FRAS1: variants seen among roughly 807,000 people sequenced by gnomAD.
FRAS1 encodes the protein Fraser extracellular matrix complex subunit 1, also known as extracellular matrix organizing protein FRAS1.
In FRAS1, 290 loss-of-function variants were observed where a neutral mutation model predicts 435.2. The ratio of observed to expected loss-of-function variants is 0.67; its 90% CI spans 0.61 to 0.73. FRAS1 has a LOEUF of 0.73. FRAS1 is among the 30% of genes least tolerant of loss of function. The probability of loss-of-function intolerance (pLI) is 0.00; values close to 1 mark genes in which losing one functional copy is unlikely to be tolerated. For synonymous variants in FRAS1, 1,800 were observed against 1,851.0 expected, an observed-to-expected ratio of 0.97 and a Z score of 0.71; for missense variants, 4,860 against 5,001.5, an observed-to-expected ratio of 0.97 and a Z score of 0.85.
At chr4:78,159,358 G>A (rs1237050171) in intron 2 of FRAS1, among the ~76,000 whole-genome samples, 1 of 152,160 alleles carries the variant, frequency 6.6e-6, no homozygotes, top group Non-Finnish European at 1.5e-5. Flanking sequence ...TATTTCTGGA[G>A]TAAGAACATG....
intron 2 of FRAS1, among the ~76,000 whole-genome samples, chr4:78,186,929 T>A (rs1187196244): frequency 2.0e-5 from 3 of 152,252 alleles, no homozygotes; most frequent in African/African-American, 7.2e-5. Flanking sequence ...TGTACTTAGC[T>A]TCTCTCCAAA....
At chr4:78,163,864 T>C (rs552706848) in intron 2 of FRAS1, among the ~76,000 whole-genome samples, 44 of 152,226 alleles carry the variant, frequency 2.9e-4, no homozygotes, top group Non-Finnish European at 6.0e-4. Flanking sequence ...CTTATTCATT[T>C]TTCTCTTTTC....
intron 5 of FRAS1, among the ~76,000 whole-genome samples, chr4:78,254,425 C>G (rs1725693597): frequency 6.6e-6 from 1 of 152,056 alleles, no homozygotes; most frequent in Non-Finnish European, 1.5e-5. Context: ...AAAATATGCC[C>G]AAGAATTGAT....
At chr4:78,504,225 A>G (rs934162422) in intron 61 of FRAS1, among the ~76,000 whole-genome samples, 2 of 152,200 alleles carry the variant, frequency 1.3e-5, no homozygotes, top group Admixed American at 1.3e-4. Context: ...GTAGCTGTCT[A>G]TTAGGTCTGC....
At chr4:78,082,049 C>T (rs572238077) in intron 2 of FRAS1, among the ~76,000 whole-genome samples, 1 of 152,016 alleles carries the variant, frequency 6.6e-6, no homozygotes, top group Admixed American at 6.6e-5. Flanking sequence ...AATATTATAT[C>T]TAACATTTTT....
Position 78,481,981 on chromosome 4 carries a change from C to A in FRAS1, c.8604+17C>A. The A allele has an allele frequency of 6.2e-7, 1 of 1,608,178 alleles. No homozygotes were observed. Among genetic ancestry groups the A allele is most frequent in the South Asian group, 1.1e-5 (1 of 89,404 alleles). On this transcript the variant is annotated intron_variant, in intron 57 of 73. Coordinates refer to ENST00000512123, the MANE Select transcript of FRAS1 (RefSeq NM_025074.7). ...ATTGAACAGGTGCGTTTACAGCAGTCGAGACTCCACAAAGTTGACAGGTCG... is the reference window on the plus strand; with the variant it reads ...ATTGAACAGGTGCGTTTACAGCAGTAGAGACTCCACAAAGTTGACAGGTCG...
chr4:78,171,642 C>T (rs915467657), intron 2 of FRAS1, among the ~76,000 whole-genome samples: 3 of 152,136 alleles, frequency 2.0e-5, no homozygotes, highest in Non-Finnish European at 2.9e-5. Flanking sequence ...GCTGGGGCCG[C>T]CACCATCCTC....
intron 2 of FRAS1, among the ~76,000 whole-genome samples, chr4:78,115,218 G>C (rs935656845): frequency 2.6e-5 from 4 of 151,744 alleles, no homozygotes; most frequent in Non-Finnish European, 5.9e-5. Flanking sequence ...ATGTGCTGCT[G>C]GATTCGGTTT....
intron 38 of FRAS1, among the ~76,000 whole-genome samples, chr4:78,437,919 A>G (rs1302182582): frequency 2.6e-5 from 4 of 152,134 alleles, no homozygotes; most frequent in Non-Finnish European, 4.4e-5. Flanking sequence ...CAAACAATGT[A>G]GAAGGGAAGA....
intron 2 of FRAS1, among the ~76,000 whole-genome samples, chr4:78,101,074 A>G (rs1207160844): frequency 6.6e-6 from 1 of 152,016 alleles, no homozygotes; most frequent in Non-Finnish European, 1.5e-5. Context: ...ACCATTTAAC[A>G]TGTATACACA....
intron 38 of FRAS1, among the ~76,000 whole-genome samples, chr4:78,435,247 C>G (rs1734371185): frequency 6.6e-6 from 1 of 152,102 alleles, no homozygotes. Flanking sequence ...GGGTGGATGA[C>G]AGAGCAAGCC....
Position 78,281,514 on chromosome 4 carries a change from A to G in FRAS1, c.1107+81A>G. 8.3e-6 allele frequency: 7 copies of G among 843,150 alleles called. No individual in the cohort carries two copies. The South Asian group carries it at 1.4e-4, about 17-fold the overall frequency. 52.2% of individuals were successfully genotyped at this position (843,150 alleles called of 1,614,324 possible). ...GATCTGCATGAAATATCATGGGGAA[A>G]CTTAGGACCTTAGTATTTTTAACAG... is the stretch of plus-strand genomic sequence containing the variant. On this transcript the variant is annotated intron_variant, in intron 11 of 73. Transcript: ENST00000512123.
chr4:78,317,041 T>C (rs1474644072), intron 16 of FRAS1, among the ~76,000 whole-genome samples: 2 of 152,208 alleles, frequency 1.3e-5, no homozygotes, highest in Admixed American at 6.5e-5. Context: ...TTCCAAGACC[T>C]CAGTCTCCTC....
At chr4:78,115,338 C>T (rs1415943068) in intron 2 of FRAS1, among the ~76,000 whole-genome samples, 6 of 152,092 alleles carry the variant, frequency 3.9e-5, no homozygotes, top group Non-Finnish European at 8.8e-5. Context: ...ATGATGCTGG[C>T]CTCATAAAAT....
At chr4:78,339,711 T>A (rs1381766653) in intron 20 of FRAS1, among the ~76,000 whole-genome samples, 1 of 152,190 alleles carries the variant, frequency 6.6e-6, no homozygotes, top group Non-Finnish European at 1.5e-5. Context: ...GCATATTAGT[T>A]AAAATGGTTG....
At chr4:78,113,239 T>C (rs1436932963) in intron 2 of FRAS1, among the ~76,000 whole-genome samples, 5 of 152,244 alleles carry the variant, frequency 3.3e-5, no homozygotes, top group Non-Finnish European at 7.3e-5. Context: ...GTTGGACATT[T>C]GGGTTAGTTC....
intron 2 of FRAS1, among the ~76,000 whole-genome samples, chr4:78,102,952 C>G (rs929881385): frequency 6.6e-6 from 1 of 152,182 alleles, no homozygotes; most frequent in Non-Finnish European, 1.5e-5. Context: ...CCTTCCACAT[C>G]TGGAGTATAT....
chr4:78,460,431 T>C (rs1173514240), intron 47 of FRAS1, among the ~76,000 whole-genome samples: 1 of 152,206 alleles, frequency 6.6e-6, no homozygotes, highest in Non-Finnish European at 1.5e-5. Flanking sequence ...GTGACAGCGG[T>C]AGGGACAATA....
chr4:78,136,327 A>AT (rs892271205), intron 2 of FRAS1, among the ~76,000 whole-genome samples: 1 of 152,190 alleles, frequency 6.6e-6, no homozygotes, highest in Non-Finnish European at 1.5e-5. Context: ...GAATGTGTGC[A>AT]TTTGGGTGAC....
Sources: allele counts gnomAD v4.1 joint callset (sites outside exome capture counted in the v4.1 genomes callset), GRCh38; gene constraint gnomAD v4.1.1; transcripts MANE v1.5; gene names NCBI Gene and HGNC (gene_info 2026-07-23, HGNC 2026-07-21).